Variants in SCFD2 observed in about 807,000 individuals in gnomAD.
SCFD2 encodes the protein sec1 family domain-containing protein 2.
In SCFD2, 54 loss-of-function variants were observed where a neutral mutation model predicts 58.9. That is an observed-to-expected ratio of 0.92 (90% CI 0.74 to 1.15). The LOEUF (loss-of-function observed/expected upper bound fraction) is 1.15, where lower values mean the gene tolerates loss of function less well. Among genes scored for constraint, SCFD2 ranks in the 50% most tolerant of loss-of-function variants. SCFD2 has a pLI of 0.00. For synonymous variants in SCFD2, 321 were observed against 335.9 expected, an observed-to-expected ratio of 0.96 and a Z score of 0.49; for missense variants, 805 against 836.6, an observed-to-expected ratio of 0.96 and a Z score of 0.47.
chr4:52,928,639 C>T lies in SCFD2; in HGVS notation c.1562-7769G>A, dbSNP rs59218696. Among the ~76,000 whole-genome samples, 251 of 152,312 alleles carry T rather than the reference C, an allele frequency of 1.6e-3. 1 individual carries two copies. The highest frequency in any genetic ancestry group is 5.9e-3 in the African/African-American group (247 of 41,568). ...TGCTGATCCCATGACTGTTGGTGCA[C>T]TGAATCCTGCTTGGTGTCTTGGAGT... On this transcript the variant is annotated intron_variant, in intron 5 of 8. Transcript: ENST00000401642.
chr4:52,900,107 A>G lies in SCFD2; in HGVS notation c.1842+7350T>C, dbSNP rs569581462. 7.2e-5 allele frequency among the ~76,000 whole-genome samples: 11 copies of G among 152,174 alleles called. No individual in the cohort carries two copies. In the East Asian group the frequency reaches 2.1e-3, roughly 29 times the overall value. Reference sequence around the variant, plus strand: ...GCCATGGGTTTGAACTTCCTCCTTTAGCTCGGAGTAGTTTGATCTTCTGCA... The same window carrying G: ...GCCATGGGTTTGAACTTCCTCCTTTGGCTCGGAGTAGTTTGATCTTCTGCA... On this transcript the variant is annotated intron_variant, in intron 7 of 8. Coordinates refer to ENST00000401642, the MANE Select transcript of SCFD2 (RefSeq NM_152540.4).
chr4:53,152,500 T>G (rs1726540880), intron 4 of SCFD2, among the ~76,000 whole-genome samples: 1 of 152,210 alleles, frequency 6.6e-6, no homozygotes, highest in Non-Finnish European at 1.5e-5. Context: ...CCACTAAAGC[T>G]GAACACAAGA....
At chr4:52,888,156 C>T (rs1008487128) in intron 7 of SCFD2, among the ~76,000 whole-genome samples, 4 of 152,032 alleles carry the variant, frequency 2.6e-5, no homozygotes, top group South Asian at 2.1e-4. Flanking sequence ...ATGATCCACC[C>T]GCCTCGGCCT....
At chr4:52,980,095 C>T (rs1721342646) in intron 5 of SCFD2, among the ~76,000 whole-genome samples, 1 of 152,212 alleles carries the variant, frequency 6.6e-6, no homozygotes, top group Admixed American at 6.5e-5. Flanking sequence ...TGCCTTCCTT[C>T]ATTTGCCCTC....
intron 3 of SCFD2, among the ~76,000 whole-genome samples, chr4:53,288,663 T>C (rs1028792283): frequency 2.2e-4 from 33 of 152,158 alleles, no homozygotes; most frequent in Non-Finnish European, 1.6e-4. Context: ...AAGCTTTCCT[T>C]CAGGAATGAA....
At chr4:53,348,461 G>A (rs568749535) in intron 2 of SCFD2, among the ~76,000 whole-genome samples, 7 of 152,268 alleles carry the variant, frequency 4.6e-5, no homozygotes, top group African/African-American at 9.6e-5. Flanking sequence ...TAGGAAAGTT[G>A]TGATTTATTT....
intron 4 of SCFD2, among the ~76,000 whole-genome samples, chr4:53,150,791 A>C (rs1451739308): frequency 6.6e-6 from 1 of 152,246 alleles, no homozygotes; most frequent in Non-Finnish European, 1.5e-5. Flanking sequence ...TAACATTGGG[A>C]CAATTGCTTA....
At chr4:53,292,077 A>G (rs1273362775) in intron 3 of SCFD2, among the ~76,000 whole-genome samples, 1 of 152,042 alleles carries the variant, frequency 6.6e-6, no homozygotes. Flanking sequence ...AAACTATAAA[A>G]CCCAAAACTA....
At chr4:53,180,898 A>C (rs554745516) in intron 4 of SCFD2, among the ~76,000 whole-genome samples, 1 of 152,336 alleles carries the variant, frequency 6.6e-6, no homozygotes, top group African/African-American at 2.4e-5. Flanking sequence ...AACTAGAAAA[A>C]TCTAGAAGAA....
At chr4:53,192,374 C>G (rs1056064855) in intron 4 of SCFD2, among the ~76,000 whole-genome samples, 2 of 152,112 alleles carry the variant, frequency 1.3e-5, no homozygotes, top group African/African-American at 4.8e-5. Flanking sequence ...TCATTAAACT[C>G]TTAACTCCTT....
intron 5 of SCFD2, among the ~76,000 whole-genome samples, chr4:53,069,467 T>A (rs1336880319): frequency 3.9e-5 from 6 of 152,018 alleles, no homozygotes; most frequent in Non-Finnish European, 2.9e-5. Flanking sequence ...ATTTCAAATT[T>A]CCTGTGAAAT....
chr4:52,874,975 T>G (rs372558237), intron 8 of SCFD2, among the ~76,000 whole-genome samples: 10 of 152,244 alleles, frequency 6.6e-5, no homozygotes, highest in African/African-American at 2.4e-4. Flanking sequence ...GTTCTGAGGA[T>G]TATCTCATTG....
chr4:52,977,982 G>A (rs1013227751), intron 5 of SCFD2, among the ~76,000 whole-genome samples: 1 of 152,150 alleles, frequency 6.6e-6, no homozygotes, highest in Non-Finnish European at 1.5e-5. Flanking sequence ...TTTATTACTT[G>A]TTTATTTTCT....
intron 5 of SCFD2, among the ~76,000 whole-genome samples, chr4:53,095,115 T>C (rs1200726288): frequency 6.6e-6 from 1 of 152,174 alleles, no homozygotes; most frequent in Non-Finnish European, 1.5e-5. Context: ...AACTTCTTTC[T>C]TTCTCTAACT....
chr4:53,068,483 C>T (rs1723724982), intron 5 of SCFD2, among the ~76,000 whole-genome samples: 1 of 152,018 alleles, frequency 6.6e-6, no homozygotes, highest in Non-Finnish European at 1.5e-5. Flanking sequence ...CAGACCTAGT[C>T]TTTGTACTCA....
chr4:53,356,288 G>T (rs77877760), intron 1 of SCFD2, among the ~76,000 whole-genome samples: 10 of 152,250 alleles, frequency 6.6e-5, no homozygotes, highest in Non-Finnish European at 1.3e-4. Context: ...ACCTGGTCTT[G>T]AAAATTACAC....
intron 5 of SCFD2, among the ~76,000 whole-genome samples, chr4:52,951,373 T>C (rs564063322): frequency 9.3e-4 from 141 of 152,308 alleles, no homozygotes; most frequent in African/African-American, 3.2e-3. Flanking sequence ...GTAAGGTCTA[T>C]AACCAACATG....
intron 4 of SCFD2, among the ~76,000 whole-genome samples, chr4:53,156,480 G>A (rs1726690471): frequency 6.6e-6 from 1 of 151,226 alleles, no homozygotes; most frequent in South Asian, 2.1e-4. Context: ...GGCAGATCAT[G>A]AGGTCAGGAG....
chr4:53,235,789 G>GTGCATACGTGTGTGCA (rs376497265), intron 4 of SCFD2, among the ~76,000 whole-genome samples: 2 of 152,194 alleles, frequency 1.3e-5, no homozygotes, highest in African/African-American at 4.8e-5. Flanking sequence ...ATGCGTGTGT[G>GTGCATACGTGTGTGCA]TGCATACGTG....
Sources: allele counts gnomAD v4.1 joint callset (sites outside exome capture counted in the v4.1 genomes callset), GRCh38; gene constraint gnomAD v4.1.1; transcripts MANE v1.5; gene names NCBI Gene and HGNC (gene_info 2026-07-23, HGNC 2026-07-21).